The following DYNC2I1 variants were observed in gnomAD, a reference collection of about 807,000 sequenced individuals.
DYNC2I1 encodes the protein cytoplasmic dynein 2 intermediate chain 1.
In DYNC2I1, 89 loss-of-function variants were observed where a neutral mutation model predicts 133.4. That is an observed-to-expected ratio of 0.67 (90% CI 0.56 to 0.80). The LOEUF (loss-of-function observed/expected upper bound fraction) is 0.80. Among genes scored for constraint, DYNC2I1 ranks in the 30% least tolerant of loss-of-function variants. The probability of loss-of-function intolerance (pLI) is 0.00; values close to 1 mark genes in which losing one functional copy is unlikely to be tolerated. For synonymous variants in DYNC2I1, 504 were observed against 484.3 expected (o/e 1.04, Z -0.54); for missense variants, 1,291 against 1,314.5 (o/e 0.98, Z 0.28).
At chr7:158,839,495 G>A in the DYNC2I1 span, among the ~76,000 whole-genome samples, 1 of 152,172 alleles carries the variant, frequency 6.6e-6, no homozygotes, top group Non-Finnish European at 1.5e-5. Flanking sequence ...GATGGGAAAG[G>A]AAGGTGATTG....
chr7:158,953,099 C>G (rs538696743), intron 4 of DYNC2I1, among the ~76,000 whole-genome samples: 12 of 152,326 alleles, frequency 7.9e-5, no homozygotes, highest in South Asian at 4.1e-4. Flanking sequence ...ATTCTCAGCA[C>G]CTGTAGCTGT....
chr7:158,899,465 C>G (rs1350724810), intron 8 of DYNC2I1, among the ~76,000 whole-genome samples: 1 of 152,140 alleles, frequency 6.6e-6, no homozygotes, highest in Admixed American at 6.5e-5. Flanking sequence ...TTTCCCTTTA[C>G]TTATTTCTTC....
intron 20 of DYNC2I1, among the ~76,000 whole-genome samples, chr7:158,928,916 C>T (rs1364543065): frequency 6.6e-6 from 1 of 152,148 alleles, no homozygotes; most frequent in Non-Finnish European, 1.5e-5. Context: ...CAAGCAATTA[C>T]GGATGGTACT....
chr7:158,939,286 A>G (rs1851094072), intron 23 of DYNC2I1, among the ~76,000 whole-genome samples: 1 of 151,976 alleles, frequency 6.6e-6, no homozygotes, highest in African/African-American at 2.4e-5. Context: ...AACAAAACCA[A>G]TCAGCTGGGT....
Position 158,942,011 on chromosome 7 carries a change from T to C in DYNC2I1, c.2865T>C (p.His955=), listed in dbSNP as rs369672782. The C allele has an allele frequency of 1.2e-6, 2 of 1,613,582 alleles. No homozygotes were observed. Among genetic ancestry groups the C allele is most frequent in the South Asian group, 1.1e-5 (1 of 91,046 alleles). ...AGTGGGACAGCAGCACGGACAGCCA[T>C]GCGGTCACCGGCCTGCAGTGGTCCC... ...LLQWDSSTDS[H]AVTGLQWSPT... is the part of the protein sequence containing the mutation. The change falls in exon 24 of 25, where the codon CAT becomes CAC. Residue 955 remains histidine, a synonymous_variant. Transcript: ENST00000407559.
chr7:158,846,372 AT>A, the DYNC2I1 span, among the ~76,000 whole-genome samples: 1 of 152,164 alleles, frequency 6.6e-6, no homozygotes, highest in Non-Finnish European at 1.5e-5. Flanking sequence ...GATAAAAGAA[AT>A]TTTTTATGAA....
At chr7:158,913,244 C>A in intron 13 of DYNC2I1, 148 bp downstream of exon 13, 3 of 586,808 alleles carry the variant, frequency 5.1e-6, no homozygotes, top group Non-Finnish European at 8.6e-6. Flanking sequence ...ACCCAATTTT[C>A]TTTTAAAGAA....
chr7:158,893,336 T>C (rs1260797787), intron 8 of DYNC2I1, among the ~76,000 whole-genome samples: 1 of 152,156 alleles, frequency 6.6e-6, no homozygotes, highest in Non-Finnish European at 1.5e-5. Flanking sequence ...CCTCAACTTG[T>C]GACAGGGTTA....
At chr7:158,906,134 G>A in intron 11 of DYNC2I1, 43 bp downstream of exon 11, 1 of 1,530,454 alleles carries the variant, frequency 6.5e-7, no homozygotes, top group South Asian at 1.2e-5. Context: ...CAGGGTTTTA[G>A]CTTAACTTTT....
intron 14 of DYNC2I1, among the ~76,000 whole-genome samples, chr7:158,916,463 GGAT>G (rs1158311783): frequency 2.8e-5 from 2 of 71,802 alleles, no homozygotes; most frequent in East Asian, 5.7e-4. Context: ...TTGACATTTA[GGAT>G]GATTGTGAAA....
intron 8 of DYNC2I1, among the ~76,000 whole-genome samples, chr7:158,892,938 CAAAA>C (rs35161914): frequency 9.5e-6 from 1 of 105,758 alleles, no homozygotes; most frequent in African/African-American, 3.4e-5. Flanking sequence ...AACTCCATCT[CAAAA>C]AAAAAAAAAA....
At chr7:158,930,804 A>G (rs1385255370) in intron 21 of DYNC2I1, among the ~76,000 whole-genome samples, 1 of 152,032 alleles carries the variant, frequency 6.6e-6, no homozygotes, top group Non-Finnish European at 1.5e-5. Flanking sequence ...AGTAGCTGGG[A>G]TTACAGGCGC....
At chr7:158,877,023 C>T (rs141621139) in intron 4 of DYNC2I1, among the ~76,000 whole-genome samples, 386 of 152,342 alleles carry the variant, frequency 2.5e-3, no homozygotes, top group African/African-American at 9.0e-3. Context: ...GTATGTATAA[C>T]ATTGTTTTCT....
intron 4 of DYNC2I1, among the ~76,000 whole-genome samples, chr7:158,953,114 A>G (rs1852103408): frequency 6.6e-6 from 1 of 151,650 alleles, no homozygotes. Context: ...AGCTGTTCCT[A>G]CCCTCCTCGC....
chr7:158,905,194 A>G lies in DYNC2I1; in HGVS notation c.1358-795A>G, dbSNP rs1486368574. 1.3e-5 allele frequency: 5 copies of G among 379,604 alleles called. No homozygotes were observed. The East Asian group carries it at 2.3e-4, about 17-fold the overall frequency. 23.5% of individuals were successfully genotyped at this position (379,604 alleles called of 1,614,324 possible). ...CTCACTATGTCTCCCGTGCTGGAGTACAGTGGCATGATCTCGGCTCACTGC... is the reference window on the plus strand; with the variant it reads ...CTCACTATGTCTCCCGTGCTGGAGTGCAGTGGCATGATCTCGGCTCACTGC... On this transcript the variant is annotated intron_variant, in intron 10 of 24. Coordinates refer to ENST00000407559, the MANE Select transcript of DYNC2I1 (RefSeq NM_018051.5).
At chr7:158,892,252 T>C (rs1205705136) in intron 8 of DYNC2I1, among the ~76,000 whole-genome samples, 2 of 152,166 alleles carry the variant, frequency 1.3e-5, no homozygotes, top group African/African-American at 4.8e-5. Flanking sequence ...AGAAATGTGA[T>C]GGTGTTAGTT....
intron 5 of DYNC2I1, among the ~76,000 whole-genome samples, chr7:158,881,523 G>A (rs1761220908): frequency 6.6e-6 from 1 of 152,050 alleles, no homozygotes; most frequent in Non-Finnish European, 1.5e-5. Context: ...GTGCGATCTC[G>A]GCTCACTGCA....
At position 158,902,523 on chromosome 7, in the gene DYNC2I1, A is replaced by G; in HGVS notation, c.1285A>G (p.Arg429Gly). 6.2e-7 allele frequency: 1 copy of G among 1,614,074 alleles called. No individual in the cohort carries two copies. Among genetic ancestry groups the G allele is most frequent in the Non-Finnish European group, 8.5e-7 (1 of 1,179,898 alleles). ...IQRAINAENE[R>G]IGELSLKLFQ... ...AAGAGCTATTAATGCAGAAAATGAA[A>G]GGATTGGCGAGTTATCTTTGAAACT... is the stretch of plus-strand genomic sequence containing the variant. The change falls in exon 10 of 25, where the codon AGG becomes GGG. Residue 429 changes from arginine to glycine, a missense_variant. By Grantham distance (125) the Arg-to-Gly change is moderately radical. Coordinates refer to ENST00000407559, the MANE Select transcript of DYNC2I1 (RefSeq NM_018051.5).
chr7:158,923,643 G>A lies in DYNC2I1; in HGVS notation c.2167G>A (p.Val723Ile), dbSNP rs111510513. The part of the protein sequence containing the change: ...FAGTAHGSVV[V>I]WDLREDSRLH... ...CGGAACAGCGCACGGCTCAGTTGTC[G>A]TCTGGGATTTGAGAGAAGACTCAAG... The change falls in exon 17 of 25, where the codon GTC becomes ATC. Residue 723 changes from valine (V) to isoleucine (I), a missense_variant. Physicochemically the swap from Val to Ile is conservative, Grantham distance 29. Transcript: ENST00000407559. The A allele has an allele frequency of 3.0e-5, 49 of 1,613,966 alleles. No individual in the cohort carries two copies. Among genetic ancestry groups the A allele is most frequent in the African/African-American group, 9.3e-5 (7 of 75,026 alleles).
Sources: gnomAD v4.1 joint callset for allele counts (sites outside exome capture counted in the v4.1 genomes callset) on GRCh38, gnomAD v4.1.1 for gene constraint, MANE v1.5 for transcripts, NCBI Gene and HGNC (gene_info 2026-07-23, HGNC 2026-07-21) for gene names.